The following THRB variants were observed in gnomAD, a reference collection of about 807,000 sequenced individuals.
THRB encodes nuclear receptor subfamily 1 group A member 2.
Under a neutral mutation model 47.8 loss-of-function variants are expected in THRB, and 12 were observed. The ratio of observed to expected loss-of-function variants is 0.25; its 90% CI spans 0.16 to 0.41. The LOEUF (loss-of-function observed/expected upper bound fraction) is 0.41, where lower values mean the gene tolerates loss of function less well. Ranked by LOEUF, THRB falls within the 10% of genes least tolerant of loss-of-function variation. THRB has a pLI of 1.00. For missense variants in THRB, 348 were observed against 589.2 expected, an observed-to-expected ratio of 0.59 and a Z score of 4.24; for synonymous variants, 218 against 212.2, an observed-to-expected ratio of 1.03 and a Z score of -0.24.
chr3:24,246,358 C>G (rs367741694), intron 3 of THRB, among the ~76,000 whole-genome samples: 1 of 152,160 alleles, frequency 6.6e-6, no homozygotes, highest in East Asian at 1.9e-4. Context: ...GGAACACTCA[C>G]TAAGTGCCAC....
chr3:24,390,025 A>G (rs1027617623), intron 1 of THRB, among the ~76,000 whole-genome samples: 8 of 152,156 alleles, frequency 5.3e-5, no homozygotes, highest in Non-Finnish European at 1.2e-4. Flanking sequence ...GAGGAACCAG[A>G]GATGTCTCAA....
At chr3:24,218,924 T>C (rs960829707) in intron 4 of THRB, among the ~76,000 whole-genome samples, 3 of 152,166 alleles carry the variant, frequency 2.0e-5, no homozygotes, top group Non-Finnish European at 2.9e-5. Flanking sequence ...CCTCTTCCCA[T>C]AACCAAAAGT....
chr3:24,492,426 C>G (rs1349566101), intron 1 of THRB, among the ~76,000 whole-genome samples: 1 of 152,182 alleles, frequency 6.6e-6, no homozygotes, highest in Non-Finnish European at 1.5e-5. Flanking sequence ...ACCGCCTTTG[C>G]TCAAGTGGTC....
At chr3:24,374,652 A>G (rs2149783781) in intron 1 of THRB, among the ~76,000 whole-genome samples, 1 of 152,230 alleles carries the variant, frequency 6.6e-6, no homozygotes, top group East Asian at 1.9e-4. Context: ...ATCTATTAGG[A>G]TAAGGATTAT....
At chr3:24,232,378 A>G (rs1213340471) in intron 3 of THRB, among the ~76,000 whole-genome samples, 1 of 152,346 alleles carries the variant, frequency 6.6e-6, no homozygotes, top group Admixed American at 6.5e-5. Flanking sequence ...ATGCAAAAAT[A>G]TATACAGGTT....
At chr3:24,493,255 G>T (rs1447935265) in intron 1 of THRB, among the ~76,000 whole-genome samples, 1 of 152,210 alleles carries the variant, frequency 6.6e-6, no homozygotes, top group East Asian at 1.9e-4. Context: ...GTGAATTGGG[G>T]AGCAGGTCAG....
chr3:24,148,979 A>G (rs181597400), intron 6 of THRB, among the ~76,000 whole-genome samples: 5 of 152,194 alleles, frequency 3.3e-5, no homozygotes, highest in East Asian at 1.9e-4. Context: ...ATACACTGTT[A>G]CAAGATTCAC....
chr3:24,422,809 A>G (rs2069394103), intron 1 of THRB, among the ~76,000 whole-genome samples: 1 of 151,776 alleles, frequency 6.6e-6, no homozygotes, highest in Non-Finnish European at 1.5e-5. Context: ...GCCACCATCA[A>G]TTTTTTCCTT....
At chr3:24,416,887 G>C (rs759787593) in intron 1 of THRB, among the ~76,000 whole-genome samples, 7 of 151,872 alleles carry the variant, frequency 4.6e-5, no homozygotes, top group Admixed American at 1.3e-4. Context: ...CAATAGACTA[G>C]ATAGAGTTTA....
chr3:24,140,919 A>G (rs1466441546), intron 8 of THRB, among the ~76,000 whole-genome samples: 1 of 152,234 alleles, frequency 6.6e-6, no homozygotes, highest in Non-Finnish European at 1.5e-5. Flanking sequence ...TCTCCTGTGA[A>G]GAGATGCAGG....
intron 3 of THRB, among the ~76,000 whole-genome samples, chr3:24,294,416 A>G (rs2056262898): frequency 6.6e-6 from 1 of 152,172 alleles, no homozygotes; most frequent in African/African-American, 2.4e-5. Context: ...TGAGTAACTG[A>G]CTCACCCAAC....
At chr3:24,235,968 C>G (rs927581036) in intron 3 of THRB, among the ~76,000 whole-genome samples, 1 of 152,154 alleles carries the variant, frequency 6.6e-6, no homozygotes, top group African/African-American at 2.4e-5. Context: ...CCCCTCACCC[C>G]ACCCTGTCCC....
intron 2 of THRB, among the ~76,000 whole-genome samples, chr3:24,311,507 A>T (rs755554467): frequency 6.6e-6 from 1 of 152,146 alleles, no homozygotes; most frequent in Non-Finnish European, 1.5e-5. Flanking sequence ...TAGATTAGAA[A>T]AAAGAAAGGC....
At chr3:24,414,713 T>C (rs2068600654) in intron 1 of THRB, among the ~76,000 whole-genome samples, 1 of 151,820 alleles carries the variant, frequency 6.6e-6, no homozygotes, top group Admixed American at 6.6e-5. Context: ...ATATAAAACA[T>C]CTCTTCAGCT....
chr3:24,277,191 C>T (rs2054010113), intron 3 of THRB, among the ~76,000 whole-genome samples: 1 of 152,084 alleles, frequency 6.6e-6, no homozygotes, highest in African/African-American at 2.4e-5. Context: ...TTGCACCTTC[C>T]ATCCCACCCC....
At chr3:24,368,006 G>T (rs1186915141) in intron 1 of THRB, among the ~76,000 whole-genome samples, 1 of 152,098 alleles carries the variant, frequency 6.6e-6, no homozygotes, top group African/African-American at 2.4e-5. Flanking sequence ...CACAAAAACA[G>T]TTGGAGAGCC....
chr3:24,301,708 G>C (rs1278187840), intron 2 of THRB, among the ~76,000 whole-genome samples: 1 of 152,168 alleles, frequency 6.6e-6, no homozygotes, highest in Non-Finnish European at 1.5e-5. Context: ...AAAAGTCCAT[G>C]ACTTTATTGC....
intron 1 of THRB, among the ~76,000 whole-genome samples, chr3:24,347,264 T>C (rs568687737): frequency 4.6e-5 from 7 of 151,982 alleles, no homozygotes; most frequent in East Asian, 3.9e-4. Flanking sequence ...GAAATTTCTA[T>C]ACTTAAATGC....
intron 5 of THRB, among the ~76,000 whole-genome samples, chr3:24,173,709 C>T (rs1180205560): frequency 6.6e-6 from 1 of 152,196 alleles, no homozygotes; most frequent in Non-Finnish European, 1.5e-5. Flanking sequence ...GGATGATCTC[C>T]TCATCTGTCT....
Sources: gnomAD v4.1 joint callset for allele counts (sites outside exome capture counted in the v4.1 genomes callset) on GRCh38, gnomAD v4.1.1 for gene constraint, MANE v1.5 for transcripts, NCBI Gene and HGNC (gene_info 2026-07-23, HGNC 2026-07-21) for gene names.